The following MRPL44 variants were observed in gnomAD, a reference collection of about 807,000 sequenced individuals.
MRPL44 encodes the protein large ribosomal subunit protein mL44.
In MRPL44, 21 loss-of-function variants were observed where a neutral mutation model predicts 25.9. The ratio of observed to expected loss-of-function variants is 0.81; its 90% CI spans 0.58 to 1.17. The LOEUF is 1.17. MRPL44 is among the 50% of genes most tolerant of loss of function. MRPL44 has a pLI of 0.00. For synonymous variants in MRPL44, 169 were observed against 151.0 expected (o/e 1.12, Z -0.87); for missense variants, 410 against 398.9 (o/e 1.03, Z -0.24).
intron 2 of MRPL44, among the ~76,000 whole-genome samples, chr2:223,960,864 C>T (rs879601726): frequency 1.3e-5 from 2 of 152,106 alleles, no homozygotes; most frequent in Non-Finnish European, 2.9e-5. Flanking sequence ...TTTTTGGTCA[C>T]CATTTTGAAA....
intron 1 of MRPL44, 90 bp downstream of exon 1, chr2:223,957,741 C>A: frequency 7.1e-7 from 1 of 1,415,518 alleles, no homozygotes; most frequent in South Asian, 1.3e-5. Flanking sequence ...CTGATGCGCC[C>A]CTGGGTTAAG....
chr2:223,959,142 TATAAC>T (rs1239155710), intron 1 of MRPL44, among the ~76,000 whole-genome samples: 1 of 152,194 alleles, frequency 6.6e-6, no homozygotes, highest in African/African-American at 2.4e-5. Context: ...TGACTGCAAA[TATAAC>T]ATACTAGTGT....
upstream of MRPL44, chr2:223,957,302 C>T (rs1689579141): frequency 1.3e-6 from 1 of 748,110 alleles, no homozygotes; most frequent in African/African-American, 1.8e-5. Context: ...CCGCAATCAC[C>T]CCGCCCCGGG....
At chr2:223,966,770 T>C in intron 3 of MRPL44, 93 bp from the exon 4 acceptor site, 3 of 1,079,742 alleles carry the variant, frequency 2.8e-6, no homozygotes, top group Non-Finnish European at 4.0e-6. Flanking sequence ...ATTATTGAAA[T>C]AGATGTAGAA....
In MRPL44 at chr2:223,967,186, T is replaced by TGA; in HGVS notation, c.*152_*153insGA. 1.3e-6 allele frequency: 1 copy of TGA among 764,086 alleles called. No individual in the cohort carries two copies. Among genetic ancestry groups the TGA allele is most frequent in the Non-Finnish European group, 2.0e-6 (1 of 506,862 alleles). 47.3% of individuals were successfully genotyped at this position (764,086 alleles called of 1,614,324 possible). ...CAAAATTAAATAAGTGTTAACCAAG[T>TGA]CACAGTGTTTTTGGTTTTGTTTTTC... is the stretch of plus-strand genomic sequence containing the variant. On this transcript the variant is annotated 3_prime_UTR_variant, in exon 4 of 4. Transcript: ENST00000258383.
intron 2 of MRPL44, among the ~76,000 whole-genome samples, chr2:223,961,780 T>C (rs1322973929): frequency 1.3e-5 from 2 of 152,170 alleles, no homozygotes; most frequent in Non-Finnish European, 2.9e-5. Flanking sequence ...AAAGCTCTAA[T>C]TATTAAGACC....
At chr2:223,951,478 G>GTTTGTTTTTGTTTTGTTT in the MRPL44 span, among the ~76,000 whole-genome samples, 1 of 112,560 alleles carries the variant, frequency 8.9e-6, no homozygotes, top group Admixed American at 9.6e-5. Context: ...TTACCTTGGA[G>GTTTGTTTTTGTTTTGTTT]TTTTTTTTTT....
At chr2:223,951,542 G>A in the MRPL44 span, among the ~76,000 whole-genome samples, 13 of 147,210 alleles carry the variant, frequency 8.8e-5, no homozygotes, top group African/African-American at 1.3e-4. Context: ...GCAGTGGCAC[G>A]TTCTCGGCTC....
upstream of MRPL44, among the ~76,000 whole-genome samples, chr2:223,955,209 C>G (rs1290276168): frequency 6.6e-6 from 1 of 152,158 alleles, no homozygotes; most frequent in Non-Finnish European, 1.5e-5. Context: ...AATTTTCCAT[C>G]AAGTCAAATT....
upstream of MRPL44, among the ~76,000 whole-genome samples, chr2:223,953,417 G>A (rs1052931388): frequency 6.8e-6 from 1 of 147,418 alleles, no homozygotes; most frequent in South Asian, 2.1e-4. Flanking sequence ...ACAGGCATGA[G>A]CCACCGTGCC....
upstream of MRPL44, among the ~76,000 whole-genome samples, chr2:223,955,543 T>C (rs1574791894): frequency 6.6e-6 from 1 of 152,304 alleles, no homozygotes. Flanking sequence ...TTCACCATCA[T>C]TGAAGGAATA....
chr2:223,961,403 G>A (rs1336067583), intron 2 of MRPL44, among the ~76,000 whole-genome samples: 1 of 152,238 alleles, frequency 6.6e-6, no homozygotes, highest in Non-Finnish European at 1.5e-5. Context: ...TTAAGAGCCA[G>A]TGTACAGAAG....
At position 223,967,692 on chromosome 2, in the gene MRPL44, AG is replaced by A. The variant is rs1428966480; in HGVS notation, c.*659del. On this transcript the variant is annotated 3_prime_UTR_variant, in exon 4 of 4. Transcript: ENST00000258383. ...GAATTTTTTGCTGTAATACCAATAA[AG>A]TTTTTTTTCTCCACATGTTAACATT... The A allele has an allele frequency of 6.6e-6, 1 of 152,166 alleles. No individual in the cohort carries two copies. The highest frequency in any genetic ancestry group is 1.5e-5 in the Non-Finnish European group (1 of 68,030). The allele number at this position is 152,166 out of a possible 1,614,324, so 9.4% of individuals were successfully genotyped here.
chr2:223,961,796 C>T (rs1689664048), intron 2 of MRPL44, among the ~76,000 whole-genome samples: 1 of 152,042 alleles, frequency 6.6e-6, no homozygotes, highest in Admixed American at 6.5e-5. Flanking sequence ...AGACCAGGAG[C>T]AAATAGCAAA....
intron 2 of MRPL44, among the ~76,000 whole-genome samples, chr2:223,962,438 C>CTCCATCCATCCA (rs111442003): frequency 6.6e-6 from 1 of 151,890 alleles, no homozygotes; most frequent in Non-Finnish European, 1.5e-5. Flanking sequence ...TTCCCTCTGC[C>CTCCATCCATCCA]TCCATCCATC....
At chr2:223,963,568 T>C (rs182704701) in intron 2 of MRPL44, among the ~76,000 whole-genome samples, 188 bp from the exon 3 acceptor site, 1 of 152,272 alleles carries the variant, frequency 6.6e-6, no homozygotes, top group African/African-American at 2.4e-5. Context: ...GCAATAAAAT[T>C]AGTGTAAAAA....
At chr2:223,964,069 T>C (rs1486165093) in intron 3 of MRPL44, 135 bp downstream of exon 3, 6 of 625,738 alleles carry the variant, frequency 9.6e-6, no homozygotes, top group Non-Finnish European at 1.6e-5. Context: ...TAACGTAACT[T>C]CTAATTGCAT....
intron 2 of MRPL44, among the ~76,000 whole-genome samples, chr2:223,962,054 C>T (rs748691326): frequency 1.3e-5 from 2 of 151,406 alleles, no homozygotes; most frequent in African/African-American, 4.9e-5. Context: ...GTTTTTTTTT[C>T]GAGGCAGCAT....
intron 2 of MRPL44, among the ~76,000 whole-genome samples, chr2:223,962,029 TGA>T: frequency 6.6e-6 from 1 of 152,324 alleles, no homozygotes; most frequent in South Asian, 2.1e-4. Flanking sequence ...AATCCCCTAC[TGA>T]GAGTGGATGT....
Sources: allele counts gnomAD v4.1 joint callset (sites outside exome capture counted in the v4.1 genomes callset), GRCh38; gene constraint gnomAD v4.1.1; transcripts MANE v1.5; gene names NCBI Gene and HGNC (gene_info 2026-07-23, HGNC 2026-07-21).